PDE4DIP: variants seen among roughly 807,000 people sequenced by gnomAD.
PDE4DIP encodes myomegalin.
Under a neutral mutation model 221.4 loss-of-function variants are expected in PDE4DIP, and 59 were observed. The ratio of observed to expected loss-of-function variants is 0.27; its 90% CI spans 0.22 to 0.33. PDE4DIP has a LOEUF of 0.33. PDE4DIP is among the 10% of genes least tolerant of loss of function. The probability of loss-of-function intolerance (pLI) is 1.00; values close to 1 mark genes in which losing one functional copy is unlikely to be tolerated. For synonymous variants in PDE4DIP, 404 were observed against 815.9 expected (o/e 0.50, Z 8.60); for missense variants, 1,036 against 2,154.2 (o/e 0.48, Z 10.28).
intron 14 of PDE4DIP, among the ~76,000 whole-genome samples, chr1:148,970,436 A>G (rs1553524818): frequency 6.6e-6 from 1 of 152,142 alleles, no homozygotes; most frequent in East Asian, 1.9e-4. Context: ...CACTGCTGGT[A>G]ATAGAATAAT....
At chr1:148,961,134 G>A (rs1181730426) in intron 6 of PDE4DIP, among the ~76,000 whole-genome samples, 4 of 152,062 alleles carry the variant, frequency 2.6e-5, no homozygotes, top group African/African-American at 9.7e-5. Flanking sequence ...GTGAAACCCT[G>A]TCTCTACTAA....
At chr1:148,940,915 A>C (rs1304465641) in intron 5 of PDE4DIP, among the ~76,000 whole-genome samples, 2 of 151,900 alleles carry the variant, frequency 1.3e-5, no homozygotes, top group Non-Finnish European at 2.9e-5. Flanking sequence ...GATTGTAAAC[A>C]GTTTTATCAT....
At chr1:148,915,172 G>A (rs1448291553) in intron 1 of PDE4DIP, among the ~76,000 whole-genome samples, 1 of 150,502 alleles carries the variant, frequency 6.6e-6, no homozygotes, top group African/African-American at 2.4e-5. Context: ...GTTTGAGACA[G>A]AGTATGTCCC....
chr1:148,995,681 G>A (rs587647981), intron 22 of PDE4DIP, among the ~76,000 whole-genome samples: 2 of 151,640 alleles, frequency 1.3e-5, no homozygotes, highest in South Asian at 4.2e-4. Flanking sequence ...AATACTGGAA[G>A]CCCTGGGGTT....
intron 1 of PDE4DIP, among the ~76,000 whole-genome samples, chr1:148,915,226 C>T (rs1384997845): frequency 3.9e-5 from 6 of 152,104 alleles, no homozygotes; most frequent in African/African-American, 9.7e-5. Context: ...CGGCTCACTA[C>T]AACCTCTGCC....
intron 38 of PDE4DIP, among the ~76,000 whole-genome samples, chr1:149,025,507 A>C (rs1362056349): frequency 6.6e-6 from 1 of 151,816 alleles, no homozygotes; most frequent in African/African-American, 2.4e-5. Context: ...CCCCCTTCTC[A>C]ATATCCTCTA....
At chr1:148,961,638 T>A (rs1574368184) in intron 6 of PDE4DIP, among the ~76,000 whole-genome samples, 199 bp from the exon 10 acceptor site, 1 of 152,124 alleles carries the variant, frequency 6.6e-6, no homozygotes, top group Admixed American at 6.5e-5. Context: ...AATTTAGTAT[T>A]GAAGGAAGTA....
chr1:148,937,723 G>A (rs781980745), intron 4 of PDE4DIP, 24 bp from the exon 8 acceptor site: 3 of 1,233,116 alleles, frequency 2.4e-6, no homozygotes, highest in East Asian at 2.3e-5. Flanking sequence ...CATAATTACT[G>A]TCCTTACTTT....
rs1448914149 is a variant in PDE4DIP at position 148,821,053 on chromosome 1, G to A, written c.233+12316G>A. On this transcript the variant is annotated intron_variant, in intron 1 of 45. Transcript: ENST00000524974. ...TTTTCAGTAGAGACGGGGTTTCACC[G>A]TGTTAGCCAGGATGGTCTCGATCTC... Among the ~76,000 whole-genome samples, 4 of 149,980 alleles carry A rather than the reference G, an allele frequency of 2.7e-5. No homozygotes were observed. The East Asian group carries it at 7.8e-4, about 29-fold the overall frequency.
At chr1:148,950,461 A>G (rs587638394) in intron 5 of PDE4DIP, among the ~76,000 whole-genome samples, 1 of 152,420 alleles carries the variant, frequency 6.6e-6, no homozygotes, top group African/African-American at 2.4e-5. Context: ...ATAGCCTATG[A>G]TATTAGGCCA....
intron 1 of PDE4DIP, among the ~76,000 whole-genome samples, chr1:148,822,600 C>G (rs1353628380): frequency 6.7e-6 from 1 of 150,224 alleles, no homozygotes. Flanking sequence ...GACCACTGCC[C>G]TAGGACACTT....
chr1:148,838,472 T>C lies in PDE4DIP; in HGVS notation c.234-24778T>C, dbSNP rs1416251044. Among the ~76,000 whole-genome samples the C allele has an allele frequency of 1.0e-4, 4 of 39,972 alleles. No individual in the cohort carries two copies. In the East Asian group the frequency reaches 2.4e-3, roughly 24 times the overall value. The allele number at this position is 39,972 out of a possible 152,430, so 26.2% of individuals were successfully genotyped here. ...ATTTTTGCCCTGAAGCCATTTCTTATTTTGAAAGCTTTCCCTGTCTAGAGA... is the reference window on the plus strand; with the variant it reads ...ATTTTTGCCCTGAAGCCATTTCTTACTTTGAAAGCTTTCCCTGTCTAGAGA... On this transcript the variant is annotated intron_variant, in intron 1 of 45. Coordinates refer to the PDE4DIP transcript ENST00000524974.
chr1:149,021,047 T>C (rs782608982), exon 37 of PDE4DIP: 5 of 998,496 alleles, frequency 5.0e-6, no homozygotes, highest in Non-Finnish European at 7.6e-6. Flanking sequence ...ACAAGCTGGT[T>C]CTCCTGCAGC....
At chr1:148,989,611 A>G (rs2062609228) in intron 21 of PDE4DIP, among the ~76,000 whole-genome samples, 1 of 152,146 alleles carries the variant, frequency 6.6e-6, no homozygotes, top group Admixed American at 6.5e-5. Flanking sequence ...ACCCAGCAAC[A>G]ATGGTAGGGG....
Position 149,028,705 on chromosome 1 carries a change from T to C in PDE4DIP, c.6813+2T>C, listed in dbSNP as rs782395169. On this transcript the variant is annotated splice_donor_variant, in intron 41 of 43. Transcript: ENST00000369354. LOFTEE classifies it high-confidence loss of function. The stretch of plus-strand genomic sequence containing the variant: ...ATCCCTGTGCTGCCTGGCAAAGTGG[T>C]AAGATGCCAGTGCCCTTTCTTGGTT... 1.3e-6 allele frequency: 2 copies of C among 1,551,198 alleles called. No homozygotes were observed. Among genetic ancestry groups the C allele is most frequent in the African/African-American group, 1.4e-5 (1 of 73,074 alleles).
At chr1:148,969,921 G>A (rs1218511650) in intron 14 of PDE4DIP, among the ~76,000 whole-genome samples, 5 of 152,064 alleles carry the variant, frequency 3.3e-5, no homozygotes, top group Non-Finnish European at 7.4e-5. Context: ...GGCCAGGCTG[G>A]CTTACGATTC....
intron 23 of PDE4DIP, among the ~76,000 whole-genome samples, chr1:148,998,709 A>C (rs2064891495): frequency 7.0e-6 from 1 of 143,588 alleles, no homozygotes; most frequent in African/African-American, 2.6e-5. Context: ...ATACAGAACC[A>C]GAACAGTTCA....
chr1:149,029,760 CAGTA>C (rs1411652740), intron 41 of PDE4DIP, 23 bp from the exon 45 acceptor site: 7 of 1,184,118 alleles, frequency 5.9e-6, no homozygotes, highest in Non-Finnish European at 8.7e-6. Flanking sequence ...TCTGCCTGGT[CAGTA>C]AGAGTCTGTT....
intron 34 of PDE4DIP, chr1:149,018,294 C>A (rs1553613980): frequency 2.3e-6 from 1 of 436,114 alleles, no homozygotes; most frequent in Non-Finnish European, 4.1e-6. Flanking sequence ...CCTGCCTATA[C>A]CACAGCAGCA....
Sources: allele counts gnomAD v4.1 joint callset (sites outside exome capture counted in the v4.1 genomes callset), GRCh38; gene constraint gnomAD v4.1.1; transcripts MANE v1.5; gene names NCBI Gene and HGNC (gene_info 2026-07-23, HGNC 2026-07-21).